Variants in DOCK1 observed in about 807,000 individuals in gnomAD.
DOCK1 encodes dedicator of cytokinesis 1, also known as dedicator of cytokinesis protein 1.
A neutral mutation model predicts 262.7 loss-of-function variants in DOCK1; 138 were observed. The observed-to-expected ratio is 0.53, with a 90% CI of 0.46 to 0.61. The LOEUF (loss-of-function observed/expected upper bound fraction) is 0.61. DOCK1 is among the 20% of genes least tolerant of loss of function. DOCK1 has a pLI of 0.00. For synonymous variants in DOCK1, 866 were observed against 867.4 expected (o/e 1.00, Z 0.03); for missense variants, 1,908 against 2,370.7 (o/e 0.80, Z 4.05).
intron 27 of DOCK1, among the ~76,000 whole-genome samples, chr10:127,226,244 A>G (rs541393026): frequency 6.6e-6 from 1 of 152,168 alleles, no homozygotes; most frequent in African/African-American, 2.4e-5. Context: ...GGCTCAAGAA[A>G]AACTTGAAGG....
chr10:127,094,493 G>A (rs1316467548), intron 23 of DOCK1, among the ~76,000 whole-genome samples: 1 of 152,108 alleles, frequency 6.6e-6, no homozygotes, highest in Admixed American at 6.5e-5. Context: ...TGTGTACCCT[G>A]GCCATCCTCG....
At chr10:127,281,839 T>C (rs902119520) in intron 29 of DOCK1, among the ~76,000 whole-genome samples, 3 of 152,108 alleles carry the variant, frequency 2.0e-5, no homozygotes, top group African/African-American at 7.2e-5. Context: ...TACAGCTCCC[T>C]GGCACCACCC....
chr10:127,222,085 G>A lies in DOCK1; in HGVS notation c.2848-25923G>A, dbSNP rs186170473. 3.0e-3 allele frequency among the ~76,000 whole-genome samples: 459 copies of A among 152,302 alleles called. 2 individuals are homozygous for A. Among genetic ancestry groups the A allele is most frequent in the Non-Finnish European group, 5.3e-3 (360 of 68,032 alleles). ...TTTAGCTTAATGAAATTCTATCAGGGAGATGCAGTTTTAATAGCGTCGTTC... is the reference window on the plus strand; with the variant it reads ...TTTAGCTTAATGAAATTCTATCAGGAAGATGCAGTTTTAATAGCGTCGTTC... On this transcript the variant is annotated intron_variant, in intron 27 of 51. Coordinates refer to ENST00000623213, the MANE Select transcript of DOCK1 (RefSeq NM_001290223.2).
At chr10:127,126,848 C>T (rs1205157074) in intron 26 of DOCK1, among the ~76,000 whole-genome samples, 4 of 152,124 alleles carry the variant, frequency 2.6e-5, no homozygotes, top group African/African-American at 9.7e-5. Flanking sequence ...ACCTGGCCAC[C>T]CACTCCGCTG....
chr10:126,948,781 G>T (rs991924257), intron 1 of DOCK1, among the ~76,000 whole-genome samples: 1 of 152,074 alleles, frequency 6.6e-6, no homozygotes, highest in Non-Finnish European at 1.5e-5. Context: ...ATTGTGAGCT[G>T]CTCTGATCCT....
At chr10:126,955,622 C>T (rs1039252704) in intron 1 of DOCK1, among the ~76,000 whole-genome samples, 3 of 152,000 alleles carry the variant, frequency 2.0e-5, no homozygotes, top group African/African-American at 7.2e-5. Flanking sequence ...AAGGTGGTTC[C>T]CAGAAGGCCC....
chr10:127,384,009 C>T (rs751212), intron 37 of DOCK1, among the ~76,000 whole-genome samples: 37,826 of 152,094 alleles, frequency 0.25, 5,179 homozygotes, highest in East Asian at 0.43. Context: ...TGTTCTGTGT[C>T]ATTATTCTCT....
At chr10:126,958,125 C>T (rs1222452131) in intron 1 of DOCK1, among the ~76,000 whole-genome samples, 2 of 152,070 alleles carry the variant, frequency 1.3e-5, no homozygotes, top group Non-Finnish European at 2.9e-5. Context: ...TGGGTGTACA[C>T]GGCGTATAGA....
chr10:127,429,385 T>C (rs1049539651), intron 47 of DOCK1, among the ~76,000 whole-genome samples: 3 of 152,048 alleles, frequency 2.0e-5, no homozygotes, highest in African/African-American at 7.3e-5. Flanking sequence ...CCCTGAGAAA[T>C]GTGGCAATAA....
intron 29 of DOCK1, among the ~76,000 whole-genome samples, chr10:127,335,420 A>G (rs974311488): frequency 6.6e-6 from 1 of 152,350 alleles, no homozygotes; most frequent in Non-Finnish European, 1.5e-5. Flanking sequence ...CACTTGGCTT[A>G]GCTTGCAATC....
chr10:127,058,981 A>G (rs2135799103), intron 22 of DOCK1, among the ~76,000 whole-genome samples: 1 of 152,228 alleles, frequency 6.6e-6, no homozygotes, highest in East Asian at 1.9e-4. Flanking sequence ...TTCTGTCCAA[A>G]GAACTCACTT....
intron 29 of DOCK1, among the ~76,000 whole-genome samples, chr10:127,282,921 C>T (rs1050616519): frequency 2.0e-5 from 3 of 152,216 alleles, no homozygotes; most frequent in African/African-American, 7.2e-5. Context: ...TGTATCCTAC[C>T]AACTGTGTTT....
chr10:127,306,130 T>G (rs2135464775), intron 29 of DOCK1, among the ~76,000 whole-genome samples: 1 of 151,648 alleles, frequency 6.6e-6, no homozygotes, highest in Non-Finnish European at 1.5e-5. Flanking sequence ...TTCTTTTGCC[T>G]CAGCCTCTCA....
At chr10:127,367,049 A>G (rs111722758) in intron 33 of DOCK1, among the ~76,000 whole-genome samples, 292 of 152,264 alleles carry the variant, frequency 1.9e-3, no homozygotes, top group African/African-American at 6.8e-3. Context: ...GGTGTATTTT[A>G]CTCTTACAAT....
chr10:127,422,077 G>A (rs2068544491), intron 46 of DOCK1, among the ~76,000 whole-genome samples: 1 of 150,072 alleles, frequency 6.7e-6, no homozygotes, highest in African/African-American at 2.5e-5. Flanking sequence ...TACGGTCACA[G>A]CACCATTTGA....
chr10:127,315,444 G>A (rs145501975), intron 29 of DOCK1, among the ~76,000 whole-genome samples: 14 of 152,132 alleles, frequency 9.2e-5, no homozygotes, highest in African/African-American at 3.4e-4. Flanking sequence ...ACAGAGGAGA[G>A]GCCATTTGAG....
chr10:127,286,962 A>G (rs10829697), intron 29 of DOCK1, among the ~76,000 whole-genome samples: 33,489 of 147,074 alleles, frequency 0.23, 3,899 homozygotes, highest in East Asian at 0.36. Flanking sequence ...TGCAAGTTCC[A>G]CCTCCTGGGT....
At chr10:127,448,860 CT>C (rs11365847) in intron 51 of DOCK1, among the ~76,000 whole-genome samples, 42,131 of 147,316 alleles carry the variant, frequency 0.29, 6,701 homozygotes, top group Non-Finnish European at 0.38. Context: ...ATTTCTTTTT[CT>C]TTTTTTTTAA....
intron 26 of DOCK1, among the ~76,000 whole-genome samples, chr10:127,127,051 A>C (rs1317605604): frequency 1.3e-5 from 2 of 152,124 alleles, no homozygotes; most frequent in Non-Finnish European, 1.5e-5. Flanking sequence ...TATTGGAGAA[A>C]AGCTTGGGGT....
Sources: gnomAD v4.1 joint callset for allele counts (sites outside exome capture counted in the v4.1 genomes callset) on GRCh38, gnomAD v4.1.1 for gene constraint, MANE v1.5 for transcripts, NCBI Gene and HGNC (gene_info 2026-07-23, HGNC 2026-07-21) for gene names.